NAA25: variants seen among roughly 807,000 people sequenced by gnomAD.
NAA25 encodes N-alpha-acetyltransferase 25, NatB auxiliary subunit, also known as N-terminal acetyltransferase B complex subunit NAA25.
NAA25 carries 30 observed loss-of-function variants against 132.5 expected under a neutral mutation model. The observed-to-expected ratio is 0.23, with a 90% CI of 0.17 to 0.31. The LOEUF is 0.31. NAA25 is among the 10% of genes least tolerant of loss of function. The probability of loss-of-function intolerance (pLI) is 1.00; values close to 1 mark genes in which losing one functional copy is unlikely to be tolerated. For synonymous variants in NAA25, 359 were observed against 401.9 expected (o/e 0.89, Z 1.28); for missense variants, 771 against 1,150.4 (o/e 0.67, Z 4.77).
At chr12:112,029,789 C>G in intron 23 of NAA25, 136 bp from the exon 24 acceptor site, 1 of 1,261,154 alleles carries the variant, frequency 7.9e-7, no homozygotes, top group South Asian at 1.6e-5. Flanking sequence ...GGGTCATTTT[C>G]AATTGCATAA....
chr12:112,033,762 ACT>A (rs1040998948), intron 22 of NAA25: 1 of 153,842 alleles, frequency 6.5e-6, no homozygotes, highest in African/African-American at 2.4e-5. Context: ...AAAAAAAATC[ACT>A]CAAGTTAAAA....
chr12:112,054,151 T>C (rs748468647), intron 14 of NAA25, among the ~76,000 whole-genome samples: 22 of 152,200 alleles, frequency 1.4e-4, no homozygotes, highest in Non-Finnish European at 3.1e-4. Flanking sequence ...TCAAAGTATA[T>C]AGGTGTTTGC....
rs779974381 is a variant in NAA25 at position 112,033,288 on chromosome 12, T to C, written c.2741A>G (p.His914Arg). The C allele has an allele frequency of 6.8e-6, 11 of 1,612,894 alleles. No individual in the cohort carries two copies. Among genetic ancestry groups the C allele is most frequent in the African/African-American group, 1.3e-5 (1 of 74,890 alleles). Residue 914 changes from histidine (H) to arginine (R), a missense_variant, in exon 23 of 24, where the codon CAT becomes CGT. By Grantham distance (29) the His-to-Arg change is conservative. This residue lies in a region of NAA25 where 324 missense variants were observed against 400.0 expected (regional missense o/e 0.81). Coordinates refer to ENST00000261745, the MANE Select transcript of NAA25 (RefSeq NM_024953.4). The stretch of plus-strand genomic sequence containing the variant: ...TTCTTCAAGTTTAAGTGCAATTAGA[T>C]GTGTTTCAAGCCCTTTAATATGATC... ...VVDHIKGLET[H>R]LIALKLEELI... is the part of the protein sequence containing the mutation.
chr12:112,092,696 G>A (rs1353103187), intron 2 of NAA25, among the ~76,000 whole-genome samples: 1 of 98,700 alleles, frequency 1.0e-5, no homozygotes, highest in Non-Finnish European at 2.1e-5. Context: ...TTTTTTTTTT[G>A]AGACGGAGTC....
At chr12:112,084,778 C>T (rs570626635) in intron 4 of NAA25, among the ~76,000 whole-genome samples, 18 of 148,846 alleles carry the variant, frequency 1.2e-4, no homozygotes, top group African/African-American at 2.5e-4. Context: ...GGAGACAGAG[C>T]GAGACTCCAT....
intron 1 of NAA25, among the ~76,000 whole-genome samples, chr12:112,104,191 G>A (rs1027610921): frequency 1.2e-4 from 18 of 152,138 alleles, no homozygotes; most frequent in Non-Finnish European, 2.4e-4. Context: ...AGGTCAGTAC[G>A]ACATATTAAA....
intron 1 of NAA25, among the ~76,000 whole-genome samples, 184 bp from the exon 2 acceptor site, chr12:112,093,320 A>C (rs2079164739): frequency 6.6e-6 from 1 of 152,022 alleles, no homozygotes; most frequent in African/African-American, 2.4e-5. Flanking sequence ...CAGATGGATC[A>C]CTTGAGGCCA....
chr12:112,063,083 T>A, intron 11 of NAA25, among the ~76,000 whole-genome samples: 2 of 151,244 alleles, frequency 1.3e-5, no homozygotes, highest in African/African-American at 4.9e-5. Context: ...AAAAGAATAA[T>A]ACATGAAGAA....
chr12:112,032,521 A>G (rs1157990955), intron 23 of NAA25, among the ~76,000 whole-genome samples: 1 of 152,180 alleles, frequency 6.6e-6, no homozygotes, highest in African/African-American at 2.4e-5. Context: ...AGCTCAGACA[A>G]ACTCCCGGAG....
At chr12:112,097,331 G>A (rs764446611) in intron 1 of NAA25, 1 of 152,196 alleles carries the variant, frequency 6.6e-6, no homozygotes, top group Non-Finnish European at 1.5e-5. Flanking sequence ...GTCTCGGCCA[G>A]GCGTGGTGGC....
chr12:112,108,142 C>T (rs948636397), intron 1 of NAA25, among the ~76,000 whole-genome samples: 2 of 152,170 alleles, frequency 1.3e-5, no homozygotes, highest in Non-Finnish European at 2.9e-5. Flanking sequence ...GTAGCTGCTT[C>T]TCCACCCAAC....
intron 22 of NAA25, among the ~76,000 whole-genome samples, chr12:112,038,609 G>A (rs939999235): frequency 6.6e-6 from 1 of 152,100 alleles, no homozygotes; most frequent in Non-Finnish European, 1.5e-5. Context: ...GAAAAACAAC[G>A]CATATGCAGG....
intron 1 of NAA25, among the ~76,000 whole-genome samples, chr12:112,099,162 G>A (rs554423863): frequency 1.8e-4 from 27 of 151,912 alleles, no homozygotes; most frequent in Non-Finnish European, 3.1e-4. Flanking sequence ...AATTTTTTTT[G>A]TACTTTTAGT....
intron 15 of NAA25, among the ~76,000 whole-genome samples, chr12:112,052,710 T>G (rs971777150): frequency 1.3e-5 from 2 of 152,116 alleles, no homozygotes; most frequent in Non-Finnish European, 2.9e-5. Flanking sequence ...TCCTCACGAG[T>G]GTTTGCCAAG....
At chr12:112,074,277 G>GC (rs1938680528) in intron 9 of NAA25, among the ~76,000 whole-genome samples, 1 of 145,982 alleles carries the variant, frequency 6.9e-6, no homozygotes, top group Non-Finnish European at 1.5e-5. Flanking sequence ...GGAGGCAGAG[G>GC]TTGCAGTGAG....
chr12:112,039,269 T>C lies in NAA25; in HGVS notation c.2609A>G (p.Gln870Arg), dbSNP rs1197969589. ...SVLRPYKLNLQKKKKKKKETS... is the reference protein window; with the variant it reads ...SVLRPYKLNLRKKKKKKKETS... Reference sequence around the variant, plus strand: ...TTCTTTTTTCTTCTTTTTCTTTTTCTGTAAATTTAGTTTGTATGGTCGTAG... The same window carrying C: ...TTCTTTTTTCTTCTTTTTCTTTTTCCGTAAATTTAGTTTGTATGGTCGTAG... Residue 870 changes from glutamine (Q) to arginine (R), a missense_variant, in exon 22 of 24, where the codon CAG becomes CGG. Around this residue, in one of 3 missense-constraint regions of NAA25, gnomAD observed 324 missense variants for 400.0 expected, o/e 0.81. Coordinates refer to ENST00000261745, the MANE Select transcript of NAA25 (RefSeq NM_024953.4). 2.5e-6 allele frequency: 4 copies of C among 1,607,224 alleles called. No individual in the cohort carries two copies. The highest frequency in any genetic ancestry group is 2.7e-5 in the African/African-American group (2 of 74,380).
chr12:112,087,621 GA>G, intron 4 of NAA25, 61 bp downstream of exon 4: 1 of 1,167,552 alleles, frequency 8.6e-7, no homozygotes, highest in Non-Finnish European at 1.3e-6. Flanking sequence ...TAAATCACAA[GA>G]AAGAGACTTT....
chr12:112,048,237 T>C (rs2078416030), intron 16 of NAA25, 55 bp downstream of exon 16: 20 of 1,540,230 alleles, frequency 1.3e-5, no homozygotes, highest in Non-Finnish European at 1.8e-5. Context: ...CATTAATGGC[T>C]CTTAACAACT....
chr12:112,075,971 C>T (rs1414778403), intron 7 of NAA25, among the ~76,000 whole-genome samples, 182 bp from the exon 8 acceptor site: 2 of 152,168 alleles, frequency 1.3e-5, no homozygotes, highest in East Asian at 3.8e-4. Context: ...CAACCTCCAC[C>T]TCCTGGATTC....
Sources: gnomAD v4.1 joint callset for allele counts (sites outside exome capture counted in the v4.1 genomes callset) on GRCh38, gnomAD v4.1.1 for gene constraint, gnomAD v4.1.1 regional missense constraint, MANE v1.5 for transcripts, NCBI Gene and HGNC (gene_info 2026-07-23, HGNC 2026-07-21) for gene names.